Variants in ADGRL3 observed in about 807,000 individuals in gnomAD.
ADGRL3 encodes the protein calcium-independent alpha-latrotoxin receptor 3.
ADGRL3 carries 62 observed loss-of-function variants against 153.5 expected under a neutral mutation model. That is an observed-to-expected ratio of 0.40 (90% CI 0.33 to 0.50). The LOEUF is 0.50. Ranked by LOEUF, ADGRL3 falls within the 20% of genes least tolerant of loss-of-function variation. ADGRL3 has a pLI of 0.47. For synonymous variants in ADGRL3, 710 were observed against 672.5 expected (o/e 1.06, Z -0.86); for missense variants, 1,641 against 1,859.4 (o/e 0.88, Z 2.16).
intron 2 of ADGRL3, among the ~76,000 whole-genome samples, chr4:61,445,374 TAGAACTC>T (rs1241659339): frequency 6.6e-6 from 1 of 152,210 alleles, no homozygotes; most frequent in Non-Finnish European, 1.5e-5. Flanking sequence ...TTTATGATGT[TAGAACTC>T]AGATTATTTC....
chr4:62,012,766 A>G (rs1267396925), intron 21 of ADGRL3, among the ~76,000 whole-genome samples: 2 of 152,196 alleles, frequency 1.3e-5, no homozygotes, highest in Non-Finnish European at 2.9e-5. Flanking sequence ...GATTATATTA[A>G]TATTTTAGAT....
intron 5 of ADGRL3, among the ~76,000 whole-genome samples, chr4:61,633,093 A>G (rs1014514115): frequency 6.6e-6 from 1 of 152,186 alleles, no homozygotes; most frequent in African/African-American, 2.4e-5. Context: ...AGTAAACTGC[A>G]TAATAGAGAA....
At chr4:62,023,449 G>A (rs1156677793) in intron 21 of ADGRL3, among the ~76,000 whole-genome samples, 1 of 152,144 alleles carries the variant, frequency 6.6e-6, no homozygotes, top group African/African-American at 2.4e-5. Context: ...AGGTTTGAGA[G>A]GATTGACTTC....
intron 13 of ADGRL3, among the ~76,000 whole-genome samples, chr4:61,922,109 C>G (rs974993797): frequency 4.6e-5 from 7 of 152,260 alleles, no homozygotes; most frequent in Admixed American, 4.6e-4. Context: ...CCAAAAACAA[C>G]AGATAACAGC....
At chr4:61,516,596 T>C (rs1462889359) in intron 3 of ADGRL3, among the ~76,000 whole-genome samples, 1 of 152,170 alleles carries the variant, frequency 6.6e-6, no homozygotes, top group Non-Finnish European at 1.5e-5. Flanking sequence ...TGTATACTTT[T>C]TTTTCATTAT....
intron 9 of ADGRL3, among the ~76,000 whole-genome samples, chr4:61,887,704 G>T (rs1037688907): frequency 2.0e-5 from 3 of 152,090 alleles, no homozygotes; most frequent in African/African-American, 7.2e-5. Context: ...AATTAGCTGG[G>T]CATGGTGGCA....
intron 1 of ADGRL3, among the ~76,000 whole-genome samples, chr4:61,291,789 A>C (rs1187671466): frequency 4.0e-5 from 6 of 149,538 alleles, no homozygotes; most frequent in Non-Finnish European, 1.5e-5. Flanking sequence ...CAGAAGTATT[A>C]ATATAAAATG....
At chr4:62,007,356 TTA>T (rs71666906) in intron 21 of ADGRL3, among the ~76,000 whole-genome samples, 10 of 30,914 alleles carry the variant, frequency 3.2e-4, no homozygotes, top group African/African-American at 9.9e-4. Context: ...GACAAAATGA[TTA>T]TATATATATA....
intron 2 of ADGRL3, among the ~76,000 whole-genome samples, chr4:61,437,292 T>G (rs376385749): frequency 6.9e-6 from 1 of 144,426 alleles, no homozygotes; most frequent in African/African-American, 2.5e-5. Context: ...TTAAAAAAAA[T>G]TTAGGCTACC....
intron 1 of ADGRL3, among the ~76,000 whole-genome samples, chr4:61,311,045 GAA>G (rs75749498): frequency 8.8e-5 from 13 of 147,014 alleles, no homozygotes; most frequent in Admixed American, 2.0e-4. Flanking sequence ...TCAACTCTAG[GAA>G]AAAAAAAAAT....
chr4:61,600,743 A>G (rs902819436), intron 5 of ADGRL3, among the ~76,000 whole-genome samples: 1 of 152,192 alleles, frequency 6.6e-6, no homozygotes, highest in East Asian at 1.9e-4. Context: ...TTATTTTTCT[A>G]TGTAAGTCAA....
chr4:61,991,121 T>C (rs895785448), intron 19 of ADGRL3, among the ~76,000 whole-genome samples: 1 of 151,940 alleles, frequency 6.6e-6, no homozygotes, highest in Non-Finnish European at 1.5e-5. Context: ...TTAGACCTCT[T>C]ATTATTACTG....
intron 9 of ADGRL3, among the ~76,000 whole-genome samples, chr4:61,832,042 A>G (rs2013374): frequency 0.33 from 50,282 of 151,926 alleles, 10,506 homozygotes; most frequent in East Asian, 0.61. Context: ...GGCAGTGTAG[A>G]GGCCAAGGGA....
At chr4:61,338,794 AGT>A (rs1174054604) in intron 1 of ADGRL3, among the ~76,000 whole-genome samples, 1 of 152,238 alleles carries the variant, frequency 6.6e-6, no homozygotes, top group Non-Finnish European at 1.5e-5. Context: ...ATAAATATTA[AGT>A]GAAAGTCAGC....
At chr4:61,648,115 T>C (rs1181832590) in intron 5 of ADGRL3, among the ~76,000 whole-genome samples, 1 of 152,164 alleles carries the variant, frequency 6.6e-6, no homozygotes, top group Non-Finnish European at 1.5e-5. Context: ...GCTGTTATTA[T>C]TTCAATTCCA....
At chr4:61,239,581 C>T (rs1754150168) in intron 1 of ADGRL3, among the ~76,000 whole-genome samples, 1 of 152,000 alleles carries the variant, frequency 6.6e-6, no homozygotes, top group Admixed American at 6.6e-5. Context: ...TCTCTATCCC[C>T]ACTGCTTGCT....
At position 62,077,384 on chromosome 4, in the gene ADGRL3, G is replaced by A. The variant is rs1379282226; in HGVS notation, c.*6476G>A. 6.6e-6 allele frequency: 1 copy of A among 151,846 alleles called. No homozygotes were observed. Among genetic ancestry groups the A allele is most frequent in the Non-Finnish European group, 1.5e-5 (1 of 67,848 alleles). The allele number at this position is 151,846 out of a possible 1,614,324, so 9.4% of individuals were successfully genotyped here. A position where few individuals can be genotyped will look rare whatever the true frequency, so the allele number is the denominator to read the frequency against. ...ATGATCCAAGACTACAAAATTTCTT[G>A]CTACATTGGCAAGGAAATATGTTTA... On this transcript the variant is annotated 3_prime_UTR_variant, in exon 27 of 27. Coordinates refer to ENST00000683033, the MANE Select transcript of ADGRL3 (RefSeq NM_001387552.1).
chr4:61,323,372 T>G (rs984969610), intron 1 of ADGRL3, among the ~76,000 whole-genome samples: 2 of 150,042 alleles, frequency 1.3e-5, no homozygotes, highest in Admixed American at 6.8e-5. Context: ...TTTCTGCAGC[T>G]GGTTTGAATT....
At chr4:61,599,479 C>G (rs370761038) in intron 5 of ADGRL3, among the ~76,000 whole-genome samples, 1 of 152,108 alleles carries the variant, frequency 6.6e-6, no homozygotes, top group Non-Finnish European at 1.5e-5. Flanking sequence ...ATTACAGGTG[C>G]CTGCCACCAC....
Sources: gnomAD v4.1 joint callset for allele counts (sites outside exome capture counted in the v4.1 genomes callset) on GRCh38, gnomAD v4.1.1 for gene constraint, MANE v1.5 for transcripts, NCBI Gene and HGNC (gene_info 2026-07-23, HGNC 2026-07-21) for gene names.